The following CLCN4 variants were observed in gnomAD, a reference collection of about 807,000 sequenced individuals.
CLCN4 encodes H(+)/Cl(-) exchange transporter 4.
In CLCN4, 1 loss-of-function variant was observed where a neutral mutation model predicts 41.7. The observed-to-expected ratio is 0.02, with a 90% CI of 0.01 to 0.11. The LOEUF is 0.11. Ranked by LOEUF, CLCN4 falls within the 10% of genes least tolerant of loss-of-function variation. CLCN4 has a pLI of 1.00. For missense variants in CLCN4, 287 were observed against 661.0 expected (o/e 0.43, Z 6.20); for synonymous variants, 277 against 285.8 (o/e 0.97, Z 0.31).
intron 2 of CLCN4, among the ~76,000 whole-genome samples, chrX:10,180,767 C>CAAAAAAAAAAAAAAAA (rs869040200): frequency 2.4e-4 from 6 of 25,047 alleles, no homozygotes; most frequent in East Asian, 2.0e-3. Flanking sequence ...AACTCCATCT[C>CAAAAAAAAAAAAAAAA]AAAAAAAAAA....
At position 10,169,944 on chromosome X, in the gene CLCN4, A is replaced by G. The variant is rs939608468; in HGVS notation, c.-12+11393A>G. 3.6e-5 allele frequency among the ~76,000 whole-genome samples: 4 copies of G among 109,746 alleles called. No individual in the cohort carries two copies. In the Admixed American group the frequency reaches 3.9e-4, roughly 11 times the overall value. Reference sequence around the variant, plus strand: ...GCTGGGATTACAGGCATGCACCACCATGCCTGGCTAGTTTTGTATTTTTAG... The same window carrying G: ...GCTGGGATTACAGGCATGCACCACCGTGCCTGGCTAGTTTTGTATTTTTAG... On this transcript the variant is annotated intron_variant, in intron 2 of 12. Transcript: ENST00000380833.
chrX:10,215,471 C>G (rs957611910), intron 11 of CLCN4, among the ~76,000 whole-genome samples: 19 of 111,823 alleles, frequency 1.7e-4, no homozygotes, highest in African/African-American at 5.9e-4. Flanking sequence ...GATGCTTCTC[C>G]TTATTATAGG....
chrX:10,169,766 T>C (rs1923338972), intron 2 of CLCN4, among the ~76,000 whole-genome samples: 2 of 90,191 alleles, frequency 2.2e-5, no homozygotes, highest in Admixed American at 1.2e-4. Context: ...TTCTTGATTC[T>C]TTTTTTTTCT....
chrX:10,211,265 C>CAAA lies in CLCN4; in HGVS notation c.1390-1181_1390-1179dup, dbSNP rs71774120. ...TGGGCGACAGAGCGAGATTCCGTCT[C>CAAA]AAAAAAAAAAAAAAAAAAAAAAAGA... is the stretch of plus-strand genomic sequence containing the variant. On this transcript the variant is annotated intron_variant, in intron 9 of 12. Coordinates refer to ENST00000380833, the MANE Select transcript of CLCN4 (RefSeq NM_001830.4). Among the ~76,000 whole-genome samples the CAAA allele has an allele frequency of 8.8e-3, 426 of 48,347 alleles. 15 individuals are homozygous for CAAA. The highest frequency in any genetic ancestry group is 0.02 in the African/African-American group (229 of 11,701). The allele number at this position is 48,347 out of a possible 115,157, so 42.0% of individuals were successfully genotyped here. A position where few individuals can be genotyped will look rare whatever the true frequency, so the allele number is the denominator to read the frequency against.
Position 10,214,118 on chromosome X carries a change from C to T in CLCN4, c.1975+39C>T, listed in dbSNP as rs910602137. On this transcript the variant is annotated intron_variant, in intron 11 of 12. Coordinates refer to ENST00000380833, the MANE Select transcript of CLCN4 (RefSeq NM_001830.4). ...GGGAAGCTCACATTTTACCAAGAGC[C>T]GAATGGCATCCTTTGTACCCCTAAC... The T allele has an allele frequency of 9.0e-6, 10 of 1,115,891 alleles. No individual in the cohort carries two copies. In the Admixed American group the frequency reaches 9.1e-5, roughly 10 times the overall value. The allele number at this position is 1,115,891 out of a possible 1,213,427, so 92.0% of individuals were successfully genotyped here.
chrX:10,157,121 A>C (rs1198376616), intron 1 of CLCN4, 21 bp downstream of exon 1: 1 of 297,331 alleles, frequency 3.4e-6, no homozygotes, highest in African/African-American at 2.7e-5. Context: ...TATCACTCAG[A>C]AAAACAAATT....
chrX:10,169,733 T>C (rs1923337737), intron 2 of CLCN4, among the ~76,000 whole-genome samples: 1 of 110,698 alleles, frequency 9.0e-6, no homozygotes. Context: ...TTTTGTTCTC[T>C]GTACATGTAC....
intron 6 of CLCN4, among the ~76,000 whole-genome samples, chrX:10,203,106 C>T (rs1924284137): frequency 8.9e-6 from 1 of 112,069 alleles, no homozygotes. Context: ...GTTCAATTCA[C>T]CACATGTCAT....
At chrX:10,174,436 G>T (rs1400031806) in intron 2 of CLCN4, among the ~76,000 whole-genome samples, 1 of 112,626 alleles carries the variant, frequency 8.9e-6, no homozygotes, top group Admixed American at 9.3e-5. Context: ...CAAGTCCTCC[G>T]CTGACCCTTC....
At chrX:10,219,512 A>G (rs1924807120) in intron 11 of CLCN4, among the ~76,000 whole-genome samples, 1 of 112,178 alleles carries the variant, frequency 8.9e-6, no homozygotes, top group African/African-American at 3.2e-5. Context: ...ACTTGATTTA[A>G]CCTGACCCAT....
intron 2 of CLCN4, among the ~76,000 whole-genome samples, chrX:10,162,612 A>T (rs1776613224): frequency 8.9e-6 from 1 of 112,131 alleles, no homozygotes; most frequent in African/African-American, 3.2e-5. Context: ...TTAATGTATG[A>T]CTTAATAGGA....
At chrX:10,217,344 C>G (rs899848574) in intron 11 of CLCN4, among the ~76,000 whole-genome samples, 1 of 111,922 alleles carries the variant, frequency 8.9e-6, no homozygotes, top group Admixed American at 9.5e-5. Context: ...CTCCTCAGCA[C>G]TGCTGACATT....
At position 10,235,873 on chromosome X, in the gene CLCN4, T is replaced by C. The variant is rs1302026971; in HGVS notation, c.*2289T>C. ...TCCTATAAAAGAATAAAATTCATTG[T>C]CGTATTTATAGCACGTAAGCCTTGA... On this transcript the variant is annotated 3_prime_UTR_variant, in exon 13 of 13. Coordinates refer to ENST00000380833, the MANE Select transcript of CLCN4 (RefSeq NM_001830.4). The C allele has an allele frequency of 2.7e-5, 3 of 112,469 alleles. No homozygotes were observed. The highest frequency in any genetic ancestry group is 9.7e-5 in the African/African-American group (3 of 30,954). 9.3% of individuals were successfully genotyped at this position (112,469 alleles called of 1,213,427 possible).
At chrX:10,232,013 A>G (rs1925139322) in intron 12 of CLCN4, among the ~76,000 whole-genome samples, 1 of 111,734 alleles carries the variant, frequency 8.9e-6, no homozygotes, top group African/African-American at 3.3e-5. Context: ...GGGTCATGAT[A>G]TATTCTTTTA....
At chrX:10,231,859 C>T (rs949304771) in intron 12 of CLCN4, among the ~76,000 whole-genome samples, 2 of 111,869 alleles carry the variant, frequency 1.8e-5, no homozygotes, top group Non-Finnish European at 3.8e-5. Context: ...AGCAACCATT[C>T]GCCCAGTGAT....
chrX:10,213,913 G>C lies in CLCN4; in HGVS notation c.1809G>C (p.Arg603=). 1 of 1,211,241 alleles carries C rather than the reference G, an allele frequency of 8.3e-7. No homozygotes were observed. The highest frequency in any genetic ancestry group is 1.1e-6 in the Non-Finnish European group (1 of 895,357). Residue 603 remains arginine, a synonymous_variant, in exon 11 of 13, where the codon CGG becomes CGC. Transcript: ENST00000380833. The part of the protein sequence containing the change: ...RTLATDVMRP[R]RGEPPLSVLT... ...TGGCCACCGACGTCATGCGGCCCCGGCGGGGAGAGCCGCCACTGTCGGTGC... is the reference window on the plus strand; with the variant it reads ...TGGCCACCGACGTCATGCGGCCCCGCCGGGGAGAGCCGCCACTGTCGGTGC...
At chrX:10,216,918 TAC>T (rs1555977626) in intron 11 of CLCN4, among the ~76,000 whole-genome samples, 1 of 38,931 alleles carries the variant, frequency 2.6e-5, no homozygotes, top group Non-Finnish European at 4.2e-5. Flanking sequence ...TATATATATA[TAC>T]ACACACACAC....
At chrX:10,221,212 A>G (rs16986011) in intron 12 of CLCN4, among the ~76,000 whole-genome samples, 1,611 of 111,632 alleles carry the variant, frequency 0.014, 33 homozygotes, top group African/African-American at 0.049. Context: ...GTTCTGCTAT[A>G]ACGTGATGTA....
chrX:10,200,553 G>C (rs1924213976), intron 6 of CLCN4, among the ~76,000 whole-genome samples: 1 of 112,365 alleles, frequency 8.9e-6, no homozygotes, highest in Admixed American at 9.4e-5. Context: ...GGCTCAGCTG[G>C]TGTCCTTATA....
Sources: allele counts gnomAD v4.1 joint callset (sites outside exome capture counted in the v4.1 genomes callset), GRCh38; gene constraint gnomAD v4.1.1; transcripts MANE v1.5; gene names NCBI Gene and HGNC (gene_info 2026-07-23, HGNC 2026-07-21).